The following DOP1A variants were observed in gnomAD, a reference collection of about 807,000 sequenced individuals.
DOP1A encodes the protein protein DOP1A.
In DOP1A, 90 loss-of-function variants were observed where a neutral mutation model predicts 267.6. The ratio of observed to expected loss-of-function variants is 0.34; its 90% confidence interval spans 0.28 to 0.40. The LOEUF (loss-of-function observed/expected upper bound fraction) is 0.40. Ranked by LOEUF, DOP1A falls within the 10% of genes least tolerant of loss-of-function variation. The pLI, the probability that DOP1A is intolerant of heterozygous loss-of-function variation, is 1.00. For synonymous variants in DOP1A, 932 were observed against 999.1 expected (o/e 0.93, Z 1.27); for missense variants, 2,437 against 2,900.4 (o/e 0.84, Z 3.67).
rs771448690 is a variant in DOP1A, at chr6:83,135,804, A to T, written c.3056A>T (p.Tyr1019Phe). Residue 1019 changes from tyrosine to phenylalanine, a missense_variant, in exon 20 of 39, where the codon TAT (tyrosine) becomes TTT (phenylalanine). Physicochemically the swap from Tyr to Phe is conservative, Grantham distance 22. Around this residue, in one of 9 missense-constraint regions of DOP1A, gnomAD observed 878 missense variants for 992.9 expected, o/e 0.88. Coordinates refer to ENST00000349129, the MANE Select transcript of DOP1A (RefSeq NM_015018.4). ...VSVQRVQAER[Y>F]WNKSPCYPGE... is the part of the protein sequence containing the mutation. ...GTACAGCGTGTACAAGCAGAACGTT[A>T]TTGGAATAAGTCTCCCTGTTATCCA... The T allele has an allele frequency of 6.2e-6, 10 of 1,613,768 alleles. No individual in the cohort carries two copies. The highest frequency in any genetic ancestry group is 8.5e-6 in the Non-Finnish European group (10 of 1,179,724).
intron 7 of DOP1A, among the ~76,000 whole-genome samples, chr6:83,113,852 T>C (rs771086205): frequency 6.6e-6 from 1 of 152,200 alleles, no homozygotes; most frequent in Non-Finnish European, 1.5e-5. Context: ...TCTATAGTAC[T>C]TTTATTACAA....
intron 33 of DOP1A, among the ~76,000 whole-genome samples, chr6:83,155,725 C>A (rs1361431679): frequency 6.6e-6 from 1 of 152,198 alleles, no homozygotes; most frequent in Non-Finnish European, 1.5e-5. Context: ...CTAAAACCTA[C>A]AGTTCTAAAT....
intron 3 of DOP1A, among the ~76,000 whole-genome samples, chr6:83,099,680 ATGTG>A (rs373165064): frequency 0.028 from 3,950 of 138,932 alleles, 189 homozygotes; most frequent in African/African-American, 0.096. Context: ...AGGATTGCAT[ATGTG>A]TGTGTGTGTG....
intron 34 of DOP1A, among the ~76,000 whole-genome samples, chr6:83,156,831 A>AT (rs1452001947): frequency 3.9e-5 from 6 of 152,036 alleles, no homozygotes; most frequent in African/African-American, 9.6e-5. Context: ...TGTCCCTACA[A>AT]TTTTTTTTGT....
intron 4 of DOP1A, among the ~76,000 whole-genome samples, chr6:83,105,356 CTTTTTTTTTTTTTTTTT>C (rs70987733): frequency 3.0e-5 from 2 of 65,940 alleles, no homozygotes; most frequent in Admixed American, 2.3e-4. Context: ...GGATGTCTTT[CTTTTTTTTTTTTTTTTT>C]TTTTTTTTTT....
intron 1 of DOP1A, among the ~76,000 whole-genome samples, chr6:83,082,340 C>T (rs1170387701): frequency 2.0e-5 from 3 of 152,088 alleles, no homozygotes; most frequent in Non-Finnish European, 4.4e-5. Flanking sequence ...TATCAAAAAG[C>T]AAAATTCTGT....
downstream of DOP1A, chr6:83,169,554 A>G (rs914437570): frequency 1.9e-5 from 10 of 536,392 alleles, no homozygotes; most frequent in South Asian, 2.0e-4. Context: ...TAATCAATTC[A>G]GATTATAAAA....
Position 83,153,498 on chromosome 6 carries a change from T to G in DOP1A, c.6130-13T>G. 1.3e-6 allele frequency: 2 copies of G among 1,558,618 alleles called. No homozygotes were observed. Among genetic ancestry groups the G allele is most frequent in the Non-Finnish European group, 1.7e-6 (2 of 1,146,760 alleles). ...ACCTCATATGTTACTCTTCATTTTT[T>G]ATGTTTTCATAGGTTTTGGCTCATC... On this transcript the variant is annotated splice_polypyrimidine_tract_variant and intron_variant, in intron 30 of 38. Transcript: ENST00000349129.
chr6:83,153,352 G>T, intron 30 of DOP1A, 159 bp from the exon 31 acceptor site: 1 of 467,636 alleles, frequency 2.1e-6, no homozygotes. Context: ...AAAGCAGATG[G>T]TGGCAAAACT....
intron 19 of DOP1A, 117 bp from the exon 20 acceptor site, chr6:83,135,502 G>A: frequency 3.6e-6 from 4 of 1,115,878 alleles, no homozygotes; most frequent in Non-Finnish European, 5.0e-6. Flanking sequence ...TTATCCTGAA[G>A]TATGACTACT....
At chr6:83,143,844 T>C (rs185734462) in intron 24 of DOP1A, among the ~76,000 whole-genome samples, 1 of 152,226 alleles carries the variant, frequency 6.6e-6, no homozygotes, top group East Asian at 1.9e-4. Context: ...TCCTCAGGAA[T>C]GAAGTAAATA....
chr6:83,124,352 G>A (rs1304677757), intron 12 of DOP1A, among the ~76,000 whole-genome samples: 5 of 152,016 alleles, frequency 3.3e-5, no homozygotes, highest in Non-Finnish European at 5.9e-5. Context: ...AAGGACAAAT[G>A]AGCCTATTTT....
intron 15 of DOP1A, 77 bp from the exon 16 acceptor site, chr6:83,128,810 T>A: frequency 6.8e-7 from 1 of 1,472,462 alleles, no homozygotes. Flanking sequence ...CTAAAACATC[T>A]CAAAAGTGGT....
intron 1 of DOP1A, among the ~76,000 whole-genome samples, chr6:83,075,032 G>A (rs1015930003): frequency 2.0e-5 from 3 of 152,152 alleles, no homozygotes; most frequent in Non-Finnish European, 2.9e-5. Flanking sequence ...GTAATGTTTA[G>A]TTTCGTTGTG....
chr6:83,094,873 T>G (rs937580831), intron 1 of DOP1A, among the ~76,000 whole-genome samples: 6 of 152,206 alleles, frequency 3.9e-5, no homozygotes, highest in Admixed American at 6.5e-5. Flanking sequence ...GTTTTACTTC[T>G]GATGAAGTCC....
chr6:83,166,079 T>C (rs1785450494), intron 38 of DOP1A: 1 of 330,660 alleles, frequency 3.0e-6, no homozygotes. Flanking sequence ...CACATCACAA[T>C]CCGATAGAGA....
intron 36 of DOP1A, among the ~76,000 whole-genome samples, 181 bp downstream of exon 36, chr6:83,158,803 G>A (rs1463822934): frequency 6.6e-6 from 1 of 152,090 alleles, no homozygotes; most frequent in African/African-American, 2.4e-5. Flanking sequence ...ATTGGATTAA[G>A]CCATCAGCAT....
intron 17 of DOP1A, among the ~76,000 whole-genome samples, chr6:83,131,056 GCA>G (rs1188237595): frequency 6.6e-6 from 1 of 151,952 alleles, no homozygotes; most frequent in Non-Finnish European, 1.5e-5. Flanking sequence ...TAAAACCTCA[GCA>G]CTCCAAAACT....
chr6:83,169,022 T>G, downstream of DOP1A: 1 of 1,354,406 alleles, frequency 7.4e-7, no homozygotes, highest in Non-Finnish European at 9.5e-7. Context: ...TTAGTGAGAC[T>G]GAAATTAGAG....
Sources: allele counts gnomAD v4.1 joint callset (sites outside exome capture counted in the v4.1 genomes callset), GRCh38; gene constraint gnomAD v4.1.1; regional missense constraint gnomAD v4.1.1; transcripts MANE v1.5; gene names NCBI Gene and HGNC (gene_info 2026-07-23, HGNC 2026-07-21).